JAK1: variants seen among roughly 807,000 people sequenced by gnomAD.
JAK1 encodes Janus kinase 1.
A neutral mutation model predicts 136.6 loss-of-function variants in JAK1; 16 were observed. The observed-to-expected ratio is 0.12, with a 90% CI of 0.08 to 0.18. JAK1 has a LOEUF of 0.18. JAK1 is among the 10% of genes least tolerant of loss of function. JAK1 has a pLI of 1.00. For synonymous variants in JAK1, 492 were observed against 519.5 expected (o/e 0.95, Z 0.72); for missense variants, 859 against 1,450.1 (o/e 0.59, Z 6.62).
chr1:65,034,951 G>A (rs528481333), intron 2 of JAK1, among the ~76,000 whole-genome samples: 39 of 152,258 alleles, frequency 2.6e-4, no homozygotes, highest in African/African-American at 8.7e-4. Context: ...AGCTACTCAG[G>A]AGGCTGAGGC....
At chr1:64,874,937 A>G (rs1373283057) in intron 4 of JAK1, among the ~76,000 whole-genome samples, 1 of 152,184 alleles carries the variant, frequency 6.6e-6, no homozygotes, top group East Asian at 1.9e-4. Flanking sequence ...TCCAGCAGCA[A>G]CTATCCAGCA....
chr1:64,900,951 T>C (rs1203613754), intron 1 of JAK1, among the ~76,000 whole-genome samples: 1 of 152,156 alleles, frequency 6.6e-6, no homozygotes, highest in Non-Finnish European at 1.5e-5. Context: ...TCAGGAATCA[T>C]CTCCATCAAG....
At chr1:64,872,080 C>T (rs1473437565) in intron 5 of JAK1, among the ~76,000 whole-genome samples, 9 of 152,206 alleles carry the variant, frequency 5.9e-5, no homozygotes, top group Admixed American at 5.9e-4. Flanking sequence ...TCTACTGGCC[C>T]TCAGGGCCTT....
At chr1:64,935,848 T>G (rs1645779764) in intron 1 of JAK1, among the ~76,000 whole-genome samples, 1 of 152,198 alleles carries the variant, frequency 6.6e-6, no homozygotes, top group Non-Finnish European at 1.5e-5. Flanking sequence ...TCTAGTGGAC[T>G]GTGGAGCCAT....
chr1:65,019,932 G>A (rs1286770350), intron 2 of JAK1, among the ~76,000 whole-genome samples: 1 of 146,746 alleles, frequency 6.8e-6, no homozygotes, highest in Non-Finnish European at 1.5e-5. Flanking sequence ...AAAAGAAGAA[G>A]AAGAAGAAGA....
At chr1:64,893,642 C>A (rs893790386) in intron 1 of JAK1, among the ~76,000 whole-genome samples, 2 of 152,124 alleles carry the variant, frequency 1.3e-5, no homozygotes, top group Non-Finnish European at 2.9e-5. Flanking sequence ...AATGCTCACA[C>A]CCATTAGGAA....
chr1:65,002,452 A>C lies in JAK1; in HGVS notation c.-78+42028T>G, dbSNP rs1217002479. 3 of 152,262 alleles carry C rather than the reference A, an allele frequency of 2.0e-5. No homozygotes were observed. In the South Asian group the frequency reaches 6.2e-4, roughly 31 times the overall value. 9.4% of individuals were successfully genotyped at this position (152,262 alleles called of 1,614,324 possible). On this transcript the variant is annotated intron_variant, in intron 2 of 25. Coordinates refer to the JAK1 transcript ENST00000671954. ...TCTGCCTTCTGTTTGACTACAAGCA[A>C]GTAACAAGCTTTTGGAGCCTGTTTC...
At position 64,857,746 on chromosome 1, in the gene JAK1, T is replaced by C. The variant is rs1398035509; in HGVS notation, c.1368A>G (p.Glu456=). ...TEYAINKLRQ[E]GSEEGMYVLR... Reference sequence around the variant, plus strand: ...GCACGTACATCCCCTCCTCGCTTCCTTCTTGCCGCAATTTATTGATGGCGT... The same window carrying C: ...GCACGTACATCCCCTCCTCGCTTCCCTCTTGCCGCAATTTATTGATGGCGT... The change falls in exon 10 of 25, where the codon GAA becomes GAG. Residue 456 remains glutamate, a synonymous_variant. Coordinates refer to ENST00000342505, the MANE Select transcript of JAK1 (RefSeq NM_002227.4). The C allele has an allele frequency of 6.2e-7, 1 of 1,614,098 alleles. No individual in the cohort carries two copies. Among genetic ancestry groups the C allele is most frequent in the East Asian group, 2.2e-5 (1 of 44,890 alleles).
intron 1 of JAK1, among the ~76,000 whole-genome samples, chr1:64,897,526 GA>G (rs1280003920): frequency 0.021 from 14 of 664 alleles, no homozygotes; most frequent in Non-Finnish European, 0.088. Context: ...GGGGGAGGGG[GA>G]GGGAGGAGGA....
At position 64,855,623 on chromosome 1, in the gene JAK1, A is replaced by T. The variant is rs2101050471; in HGVS notation, c.1534T>A (p.Ser512Thr). Reference protein sequence around the residue: ...VQKGRYSLHGSDRSFPSLGDL... With the variant: ...VQKGRYSLHGTDRSFPSLGDL... ...CCCAAGCTGGGGAAGCTGCGGTCCG[A>T]ACCGTGCAGACTGTAGCGGCCCTTC... The change falls in exon 11 of 25, where the codon TCG (serine) becomes ACG (threonine). Residue 512 changes from serine (S) to threonine (T), a missense_variant. Coordinates refer to ENST00000342505, the MANE Select transcript of JAK1 (RefSeq NM_002227.4). 1.2e-6 allele frequency: 2 copies of T among 1,614,140 alleles called. No homozygotes were observed. Among genetic ancestry groups the T allele is most frequent in the Non-Finnish European group, 1.7e-6 (2 of 1,180,010 alleles).
chr1:64,882,899 G>A (rs1644796547), intron 3 of JAK1, among the ~76,000 whole-genome samples: 2 of 152,202 alleles, frequency 1.3e-5, no homozygotes, highest in Admixed American at 6.5e-5. Context: ...TACTTGCTGA[G>A]CAGGGACTTA....
chr1:64,838,658 A>G, intron 20 of JAK1, 69 bp from the exon 21 acceptor site: 4 of 1,546,816 alleles, frequency 2.6e-6, no homozygotes, highest in Non-Finnish European at 3.5e-6. Context: ...GCAAGGGCAC[A>G]GGATATGAGA....
intron 2 of JAK1, chr1:65,003,421 G>T (rs1557753394): frequency 6.6e-6 from 1 of 152,110 alleles, no homozygotes; most frequent in Non-Finnish European, 1.5e-5. Context: ...GAAGTCAGGC[G>T]CTGGTTTTAA....
intron 2 of JAK1, among the ~76,000 whole-genome samples, chr1:65,042,407 AACACACACACACACAC>A (rs72477165): frequency 3.4e-5 from 5 of 147,904 alleles, no homozygotes; most frequent in Admixed American, 6.7e-5. Context: ...ACTCTTATTT[AACACACACACACACAC>A]ACACACACAC....
chr1:65,008,912 C>A (rs1646825455), intron 2 of JAK1, among the ~76,000 whole-genome samples: 1 of 152,092 alleles, frequency 6.6e-6, no homozygotes, highest in Non-Finnish European at 1.5e-5. Context: ...CGGTCTCAAA[C>A]TCCTGGGCTC....
At chr1:64,837,083 A>T (rs1476427192) in intron 22 of JAK1, among the ~76,000 whole-genome samples, 1 of 152,138 alleles carries the variant, frequency 6.6e-6, no homozygotes, top group Non-Finnish European at 1.5e-5. Context: ...AACCCGCATG[A>T]ATCTTTCAGG....
intron 9 of JAK1, 99 bp from the exon 10 acceptor site, chr1:64,857,878 G>T: frequency 1.4e-6 from 2 of 1,397,528 alleles, no homozygotes; most frequent in Non-Finnish European, 2.0e-6. Flanking sequence ...AGTCTTAACA[G>T]CCCCATCACA....
chr1:65,063,477 A>G (rs1415825124), intron 1 of JAK1, among the ~76,000 whole-genome samples: 1 of 152,214 alleles, frequency 6.6e-6, no homozygotes, highest in Non-Finnish European at 1.5e-5. Context: ...CAAACATGAA[A>G]TAACAATATT....
At chr1:64,960,731 GCTT>G (rs1266099058) in intron 1 of JAK1, among the ~76,000 whole-genome samples, 1 of 152,158 alleles carries the variant, frequency 6.6e-6, no homozygotes, top group Non-Finnish European at 1.5e-5. Context: ...TCTGAAAGCA[GCTT>G]CTTATATTGT....
Sources: gnomAD v4.1 joint callset for allele counts (sites outside exome capture counted in the v4.1 genomes callset) on GRCh38, gnomAD v4.1.1 for gene constraint, MANE v1.5 for transcripts, NCBI Gene and HGNC (gene_info 2026-07-23, HGNC 2026-07-21) for gene names.